SH3GL2: variants seen among roughly 807,000 people sequenced by gnomAD.
The protein encoded by SH3GL2 is SH3 domain containing GRB2 like 2, endophilin A1, also known as endophilin-A1.
In SH3GL2, 24 loss-of-function variants were observed where a neutral mutation model predicts 46.0. The observed-to-expected ratio is 0.52, with a 90% CI of 0.38 to 0.73. SH3GL2 has a LOEUF of 0.73. Ranked by LOEUF, SH3GL2 falls within the 30% of genes least tolerant of loss-of-function variation. SH3GL2 has a pLI of 0.00. For missense variants in SH3GL2, 413 were observed against 424.2 expected (o/e 0.97, Z 0.23); for synonymous variants, 196 against 147.1 (o/e 1.33, Z -2.40).
At chr9:17,787,651 A>G in intron 5 of SH3GL2, 138 bp downstream of exon 5, 1 of 649,258 alleles carries the variant, frequency 1.5e-6, no homozygotes. Flanking sequence ...ACAACCCAGT[A>G]AGACAAAATG....
rs1331895482 is a variant in SH3GL2 at position 17,717,265 on chromosome 9, C to G, written c.46-29801C>G. The stretch of plus-strand genomic sequence containing the variant: ...TTATGCTGTCACATGTTGGGCAGCT[C>G]TCCCTTTTGAAGAACACATTTCGTA... On this transcript the variant is annotated intron_variant, in intron 1 of 8. Coordinates refer to ENST00000380607, the MANE Select transcript of SH3GL2 (RefSeq NM_003026.5). Among the ~76,000 whole-genome samples, 5 of 152,248 alleles carry G rather than the reference C, an allele frequency of 3.3e-5. No individual in the cohort carries two copies. The East Asian group carries it at 7.7e-4, about 24-fold the overall frequency.
intron 1 of SH3GL2, among the ~76,000 whole-genome samples, chr9:17,692,785 A>G (rs1821114862): frequency 6.6e-6 from 1 of 152,190 alleles, no homozygotes; most frequent in African/African-American, 2.4e-5. Context: ...CTAGGAACAA[A>G]GAGAGGTTTA....
intron 6 of SH3GL2, chr9:17,790,449 C>A: frequency 1.0e-6 from 1 of 981,872 alleles, no homozygotes; most frequent in Non-Finnish European, 1.2e-6. Context: ...CCAGACTTTC[C>A]TACCACCTGG....
At chr9:17,609,589 T>C (rs1315080394) in intron 1 of SH3GL2, among the ~76,000 whole-genome samples, 1 of 152,176 alleles carries the variant, frequency 6.6e-6, no homozygotes, top group Non-Finnish European at 1.5e-5. Context: ...AATGAAAGGT[T>C]TAACAAAACA....
intron 5 of SH3GL2, among the ~76,000 whole-genome samples, chr9:17,788,073 A>G (rs1013695338): frequency 6.6e-6 from 1 of 152,154 alleles, no homozygotes; most frequent in African/African-American, 2.4e-5. Context: ...TAAAGTTCAT[A>G]TGTCTTTGAG....
chr9:17,768,993 C>A (rs921435097), intron 3 of SH3GL2, among the ~76,000 whole-genome samples: 2 of 152,214 alleles, frequency 1.3e-5, no homozygotes. Flanking sequence ...CTTCCTCAAA[C>A]ACACAGGCAC....
chr9:17,694,574 C>A (rs1486034685), intron 1 of SH3GL2, among the ~76,000 whole-genome samples: 1 of 152,108 alleles, frequency 6.6e-6, no homozygotes, highest in Admixed American at 6.6e-5. Context: ...CATTATTTTT[C>A]CCCTTCCACT....
At chr9:17,644,260 A>T (rs889714263) in intron 1 of SH3GL2, among the ~76,000 whole-genome samples, 4 of 151,362 alleles carry the variant, frequency 2.6e-5, no homozygotes, top group African/African-American at 7.3e-5. Context: ...CCATCTATCT[A>T]GTTTGTCAAC....
At chr9:17,623,779 AC>A (rs1359536959) in intron 1 of SH3GL2, among the ~76,000 whole-genome samples, 1 of 151,722 alleles carries the variant, frequency 6.6e-6, no homozygotes, top group Non-Finnish European at 1.5e-5. Context: ...AGGATATGTT[AC>A]TATATCATGG....
At chr9:17,703,415 T>A (rs748434580) in intron 1 of SH3GL2, among the ~76,000 whole-genome samples, 1 of 151,902 alleles carries the variant, frequency 6.6e-6, no homozygotes, top group Non-Finnish European at 1.5e-5. Flanking sequence ...TTTCCAAAAG[T>A]TGAGGAGGAG....
intron 1 of SH3GL2, among the ~76,000 whole-genome samples, chr9:17,612,742 C>T (rs1296220691): frequency 6.6e-6 from 1 of 152,180 alleles, no homozygotes; most frequent in Non-Finnish European, 1.5e-5. Flanking sequence ...AGTGTGTTCA[C>T]AGCCTTGTGC....
chr9:17,773,675 T>G (rs925309899), intron 3 of SH3GL2, among the ~76,000 whole-genome samples: 6 of 152,150 alleles, frequency 3.9e-5, no homozygotes, highest in African/African-American at 1.4e-4. Context: ...ATGTCTGTCT[T>G]TATGACAGTA....
chr9:17,743,989 C>G (rs1392447699), intron 1 of SH3GL2, among the ~76,000 whole-genome samples: 6 of 152,142 alleles, frequency 3.9e-5, no homozygotes, highest in Non-Finnish European at 8.8e-5. Context: ...AGGGGTCTAT[C>G]TATAATGATT....
Position 17,795,988 on chromosome 9 carries a change from C to A in SH3GL2, c.*245C>A. The A allele has an allele frequency of 1.9e-6, 1 of 515,042 alleles. No individual in the cohort carries two copies. The highest frequency in any genetic ancestry group is 3.5e-6 in the Non-Finnish European group (1 of 286,662). 31.9% of individuals were successfully genotyped at this position (515,042 alleles called of 1,614,324 possible). Reference sequence around the variant, plus strand: ...ATCATCTGAGACCAGCCAGTAGTCACAGAACTGCTGTTTACACAGTTCTCA... The same window carrying A: ...ATCATCTGAGACCAGCCAGTAGTCAAAGAACTGCTGTTTACACAGTTCTCA... On this transcript the variant is annotated 3_prime_UTR_variant, in exon 9 of 9. Transcript: ENST00000380607.
At chr9:17,636,376 C>G (rs1819543938) in intron 1 of SH3GL2, among the ~76,000 whole-genome samples, 1 of 152,160 alleles carries the variant, frequency 6.6e-6, no homozygotes, top group Non-Finnish European at 1.5e-5. Context: ...ACCCAAAACT[C>G]CCATCTTTCC....
intron 6 of SH3GL2, among the ~76,000 whole-genome samples, chr9:17,790,562 C>T (rs1824098723): frequency 6.6e-6 from 1 of 152,200 alleles, no homozygotes; most frequent in Non-Finnish European, 1.5e-5. Flanking sequence ...AGTGCTCCTT[C>T]CCTGCAACAC....
In SH3GL2 at chr9:17,761,485, A is replaced by G; in HGVS notation, c.163A>G (p.Ile55Val). 1 of 1,603,330 alleles carries G rather than the reference A, an allele frequency of 6.2e-7. No individual in the cohort carries two copies. Among genetic ancestry groups the G allele is most frequent in the Non-Finnish European group, 8.5e-7 (1 of 1,170,124 alleles). ...RAVMEIMTKT[I>V]EYLQPNPASR... ...TGTGATGGAAATAATGACTAAAACA[A>G]TTGAATACCTTCAACCCAATCCAGG... is the stretch of plus-strand genomic sequence containing the variant. The change falls in exon 3 of 9, where the codon ATT (isoleucine) becomes GTT (valine). Residue 55 changes from isoleucine to valine, a missense_variant. By Grantham distance (29) the Ile-to-Val change is conservative (BLOSUM62 3). Around this residue, in one of 3 missense-constraint regions of SH3GL2, gnomAD observed 160 missense variants for 192.3 expected, o/e 0.83. Coordinates refer to ENST00000380607, the MANE Select transcript of SH3GL2 (RefSeq NM_003026.5).
At chr9:17,727,824 C>A (rs191076410) in intron 1 of SH3GL2, among the ~76,000 whole-genome samples, 2 of 152,228 alleles carry the variant, frequency 1.3e-5, no homozygotes, top group East Asian at 3.9e-4. Flanking sequence ...CTTCCCTTTC[C>A]CTGCCCCACC....
At chr9:17,790,184 G>A (rs1172077427) in intron 6 of SH3GL2, among the ~76,000 whole-genome samples, 2 of 152,124 alleles carry the variant, frequency 1.3e-5, no homozygotes, top group Admixed American at 6.5e-5. Context: ...CCTTTCCTCT[G>A]CTTTTTATTC....
Sources: allele counts gnomAD v4.1 joint callset (sites outside exome capture counted in the v4.1 genomes callset), GRCh38; gene constraint gnomAD v4.1.1; regional missense constraint gnomAD v4.1.1; transcripts MANE v1.5; gene names NCBI Gene and HGNC (gene_info 2026-07-23, HGNC 2026-07-21).